Variants in BPNT1 observed in about 807,000 individuals in gnomAD.
The protein encoded by BPNT1 is 3'(2'),5'-bisphosphate nucleotidase 1.
In BPNT1, 28 loss-of-function variants were observed where a neutral mutation model predicts 36.9. The observed-to-expected ratio is 0.76, with a 90% confidence interval of 0.56 to 1.04. The LOEUF (loss-of-function observed/expected upper bound fraction) is 1.04. Ranked by LOEUF, BPNT1 falls within the 50% of genes least tolerant of loss-of-function variation. BPNT1 has a pLI of 0.00. For missense variants in BPNT1, 313 were observed against 372.9 expected, an observed-to-expected ratio of 0.84 and a Z score of 1.32; for synonymous variants, 119 against 130.9, an observed-to-expected ratio of 0.91 and a Z score of 0.62.
chr1:220,059,710 C>G lies in BPNT1; in HGVS notation c.754G>C (p.Glu252Gln). ...GCKKWDTCAP[E>Q]VILHAVGGKL... ...CCTCCCACAGCATGTAAAATAACTT[C>G]TGGAGCACAAGTATCCCACTTCTTA... Residue 252 changes from glutamate to glutamine, a missense_variant, in exon 8 of 9, where the codon GAA (glutamate) becomes CAA (glutamine). Physicochemically the swap from Glu to Gln is conservative, Grantham distance 29. Transcript: ENST00000322067. 1 of 1,609,240 alleles carries G rather than the reference C, an allele frequency of 6.2e-7. No homozygotes were observed. The highest frequency in any genetic ancestry group is 8.5e-7 in the Non-Finnish European group (1 of 1,178,530).
intron 8 of BPNT1, 142 bp downstream of exon 8, chr1:220,059,544 G>C (rs1457094531): frequency 1.8e-6 from 1 of 561,488 alleles, no homozygotes; most frequent in Non-Finnish European, 3.1e-6. Flanking sequence ...TCATATGAGG[G>C]GTTTGGACTG....
chr1:220,070,040 A>G (rs962020489), intron 4 of BPNT1, among the ~76,000 whole-genome samples: 1 of 152,204 alleles, frequency 6.6e-6, no homozygotes, highest in Admixed American at 6.5e-5. Context: ...TGATCTCTAG[A>G]TCATGGTACA....
intron 8 of BPNT1, 75 bp downstream of exon 8, chr1:220,059,611 A>G: frequency 9.0e-7 from 1 of 1,108,334 alleles, no homozygotes; most frequent in Non-Finnish European, 1.3e-6. Flanking sequence ...GTAAAATAAT[A>G]TTACTGAGAT....
intron 5 of BPNT1, among the ~76,000 whole-genome samples, chr1:220,068,791 T>C (rs566024538): frequency 1.3e-4 from 20 of 152,242 alleles, no homozygotes; most frequent in African/African-American, 4.3e-4. Context: ...GCCTGGGCAA[T>C]GAGCAAGACT....
At chr1:220,079,955 G>T in intron 1 of BPNT1, 101 bp from the exon 2 acceptor site, 1 of 1,255,402 alleles carries the variant, frequency 8.0e-7, no homozygotes, top group Non-Finnish European at 1.1e-6. Flanking sequence ...GTGCTAACTT[G>T]GGATTGCTCC....
At chr1:220,079,938 T>C in intron 1 of BPNT1, 84 bp from the exon 2 acceptor site, 1 of 1,348,196 alleles carries the variant, frequency 7.4e-7, no homozygotes, top group Non-Finnish European at 1.0e-6. Flanking sequence ...CAACACATAT[T>C]AATTGAGTGC....
At chr1:220,072,580 G>A (rs1664166680) in intron 4 of BPNT1, among the ~76,000 whole-genome samples, 1 of 152,128 alleles carries the variant, frequency 6.6e-6, no homozygotes, top group African/African-American at 2.4e-5. Flanking sequence ...CTCCCAGAGT[G>A]CTGGGATTAC....
At chr1:220,087,997 C>T (rs1321818190) in intron 1 of BPNT1, among the ~76,000 whole-genome samples, 2 of 152,020 alleles carry the variant, frequency 1.3e-5, no homozygotes, top group Non-Finnish European at 2.9e-5. Context: ...CCTGCCTCAG[C>T]CTCCCGAGTA....
intron 3 of BPNT1, 52 bp from the exon 4 acceptor site, chr1:220,073,009 G>A (rs1664211780): frequency 2.9e-6 from 4 of 1,386,596 alleles, no homozygotes; most frequent in Non-Finnish European, 4.1e-6. Context: ...TGTTTACAGA[G>A]TATGCTTTGT....
At chr1:220,073,072 A>G in intron 3 of BPNT1, 115 bp from the exon 4 acceptor site, 1 of 911,206 alleles carries the variant, frequency 1.1e-6, no homozygotes, top group South Asian at 1.5e-5. Flanking sequence ...CTTCTGGTTT[A>G]CCATTTATAT....
At chr1:220,059,451 TTAAC>T in intron 8 of BPNT1, among the ~76,000 whole-genome samples, 1 of 149,736 alleles carries the variant, frequency 6.7e-6, no homozygotes, top group Non-Finnish European at 1.5e-5. Context: ...CTAAATTAAA[TTAAC>T]TGTATGCAGA....
intron 7 of BPNT1, among the ~76,000 whole-genome samples, chr1:220,060,793 T>C (rs1420866117): frequency 6.6e-6 from 1 of 152,166 alleles, no homozygotes; most frequent in Non-Finnish European, 1.5e-5. Flanking sequence ...CTTGGTTGTA[T>C]GTATTTTAGA....
chr1:220,079,749 C>T lies in BPNT1; in HGVS notation c.98G>A (p.Gly33Glu), dbSNP rs1664930960. 6.2e-7 allele frequency: 1 copy of T among 1,614,010 alleles called. No homozygotes were observed. The part of the protein sequence containing the change: ...GMIVRRVIAE[G>E]DLGIVEKTCA... ...TACCTTCTCCACAATACCCAGGTCT[C>T]CTTCAGCAATAACACGTCTGACTAT... The change falls in exon 2 of 9, where the codon GGA becomes GAA. Residue 33 changes from glycine (G) to glutamate (E), a missense_variant. Physicochemically the swap from Gly to Glu is moderately conservative, Grantham distance 98 (BLOSUM62 -2). Transcript: ENST00000322067.
chr1:220,058,998 G>GA lies in BPNT1; in HGVS notation c.779-7dup. ...ATGGATATCGGTTAACTTGCCTATA[G>GA]AAAAACATCAATCAATCAATCAAGT... On this transcript the variant is annotated splice_polypyrimidine_tract_variant and splice_region_variant and intron_variant, in intron 8 of 8. Transcript: ENST00000322067. The GA allele has an allele frequency of 6.2e-7, 1 of 1,612,728 alleles. No homozygotes were observed. Among genetic ancestry groups the GA allele is most frequent in the East Asian group, 2.2e-5 (1 of 44,848 alleles).
At chr1:220,078,544 TATA>T (rs1664806987) in intron 2 of BPNT1, among the ~76,000 whole-genome samples, 1 of 141,374 alleles carries the variant, frequency 7.1e-6, no homozygotes, top group African/African-American at 2.6e-5. Context: ...TTATATATAT[TATA>T]ATTATATATA....
Position 220,058,143 on chromosome 1 carries a change from T to C in BPNT1, c.*701A>G, listed in dbSNP as rs1330830790. The C allele has an allele frequency of 1.7e-5, 17 of 984,584 alleles. No homozygotes were observed. Among genetic ancestry groups the C allele is most frequent in the Non-Finnish European group, 2.1e-5 (17 of 812,636 alleles). The allele number at this position is 984,584 out of a possible 1,614,324, so 61.0% of individuals were successfully genotyped here. A position where few individuals can be genotyped will look rare whatever the true frequency, so the allele number is the denominator to read the frequency against. The stretch of plus-strand genomic sequence containing the variant: ...GTGAGCCGAGATCACGCCACTACAT[T>C]CTAGCCTAGGCTACAGAGCGAGACT... On this transcript the variant is annotated 3_prime_UTR_variant, in exon 9 of 9. Coordinates refer to ENST00000322067, the MANE Select transcript of BPNT1 (RefSeq NM_006085.6).
At chr1:220,059,091 A>G in intron 8 of BPNT1, 99 bp from the exon 9 acceptor site, 1 of 1,201,320 alleles carries the variant, frequency 8.3e-7, no homozygotes, top group Non-Finnish European at 1.2e-6. Context: ...ATCCAATAGT[A>G]GCCAATAAAT....
intron 1 of BPNT1, among the ~76,000 whole-genome samples, chr1:220,082,085 T>TATATATATATAGAGAGAG (rs1171093697): frequency 3.9e-5 from 4 of 103,296 alleles, no homozygotes; most frequent in African/African-American, 1.5e-4. Context: ...TATATATATA[T>TATATATATATAGAGAGAG]AGAGAGAGAG....
At chr1:220,086,848 G>A (rs532144930) in intron 1 of BPNT1, among the ~76,000 whole-genome samples, 1 of 151,592 alleles carries the variant, frequency 6.6e-6, no homozygotes, top group East Asian at 2.0e-4. Context: ...GATTACAGGT[G>A]TGAGCCACTC....
Sources: allele counts gnomAD v4.1 joint callset (sites outside exome capture counted in the v4.1 genomes callset), GRCh38; gene constraint gnomAD v4.1.1; transcripts MANE v1.5; gene names NCBI Gene and HGNC (gene_info 2026-07-23, HGNC 2026-07-21).